Variants in CNTNAP4 observed in about 807,000 individuals in gnomAD.
The protein encoded by CNTNAP4 is contactin-associated protein-like 4.
CNTNAP4 carries 98 observed loss-of-function variants against 148.4 expected under a neutral mutation model. The ratio of observed to expected loss-of-function variants is 0.66; its 90% CI spans 0.56 to 0.78. CNTNAP4 has a LOEUF of 0.78. Among genes scored for constraint, CNTNAP4 ranks in the 30% least tolerant of loss-of-function variants. CNTNAP4 has a pLI of 0.00. For missense variants in CNTNAP4, 1,935 were observed against 1,565.6 expected (o/e 1.24, Z -3.98); for synonymous variants, 730 against 565.1 (o/e 1.29, Z -4.14).
chr16:76,296,595 C>A (rs2143884216), intron 1 of CNTNAP4, among the ~76,000 whole-genome samples: 1 of 151,896 alleles, frequency 6.6e-6, no homozygotes, highest in Middle Eastern at 3.4e-3. Context: ...AGAACACAGG[C>A]ATATAAAGAT....
chr16:76,285,680 A>T (rs74917652), intron 1 of CNTNAP4, among the ~76,000 whole-genome samples: 1,985 of 152,158 alleles, frequency 0.013, 62 homozygotes, highest in East Asian at 0.11. Context: ...GCCTTCCTAA[A>T]TTACGTTTAT....
intron 3 of CNTNAP4, among the ~76,000 whole-genome samples, chr16:76,420,700 G>T (rs7184119): frequency 6.6e-6 from 1 of 151,818 alleles, no homozygotes; most frequent in African/African-American, 2.4e-5. Flanking sequence ...CAACAACAAC[G>T]AAACTACCCA....
chr16:76,329,086 G>A (rs940339087), intron 2 of CNTNAP4, among the ~76,000 whole-genome samples: 18 of 152,146 alleles, frequency 1.2e-4, no homozygotes, highest in Non-Finnish European at 1.6e-4. Context: ...TTGTTAGTAC[G>A]AAATGCAAAA....
chr16:76,449,817 A>G lies in CNTNAP4; in HGVS notation c.1030A>G (p.Ile344Val). The change falls in exon 7 of 24, where the codon ATT becomes GTT. Residue 344 changes from isoleucine to valine, a missense_variant. Coordinates refer to ENST00000611870, the MANE Select transcript of CNTNAP4 (RefSeq NM_033401.5). ...ENLYYNGVDI[I>V]DLAKQQKPQI... ...TCTCTATTATAATGGAGTGGATATC[A>G]TTGATTTGGCCAAGCAGCAAAAACC... 1 of 1,608,084 alleles carries G rather than the reference A, an allele frequency of 6.2e-7. No individual in the cohort carries two copies. Among genetic ancestry groups the G allele is most frequent in the Non-Finnish European group, 8.5e-7 (1 of 1,177,218 alleles).
In CNTNAP4 at chr16:76,282,062, G is replaced by T. The variant is rs542685528; in HGVS notation, c.85+4315G>T. On this transcript the variant is annotated intron_variant, in intron 1 of 23. Transcript: ENST00000611870. ...CTATTTAAATAATATACAATAAAATGATAAGACATGAAAAGTGTATAAATT... is the reference window on the plus strand; with the variant it reads ...CTATTTAAATAATATACAATAAAATTATAAGACATGAAAAGTGTATAAATT... Among the ~76,000 whole-genome samples the T allele has an allele frequency of 1.2e-3, 176 of 151,842 alleles. No individual in the cohort carries two copies. In the Middle Eastern group the frequency reaches 0.021, roughly 18 times the overall value.
intron 3 of CNTNAP4, among the ~76,000 whole-genome samples, chr16:76,380,001 G>A (rs2015803799): frequency 6.6e-6 from 1 of 152,096 alleles, no homozygotes; most frequent in African/African-American, 2.4e-5. Context: ...AATGACATTT[G>A]CATAAATCTT....
chr16:76,290,223 G>A (rs1167643822), intron 1 of CNTNAP4, among the ~76,000 whole-genome samples: 1 of 152,118 alleles, frequency 6.6e-6, no homozygotes, highest in Non-Finnish European at 1.5e-5. Flanking sequence ...GAACAAAAAT[G>A]AGGCTTAGAC....
intron 3 of CNTNAP4, among the ~76,000 whole-genome samples, chr16:76,358,355 A>T (rs2012974912): frequency 6.6e-6 from 1 of 152,186 alleles, no homozygotes; most frequent in Admixed American, 6.5e-5. Context: ...ACAAACAGCA[A>T]CAACAAAATC....
chr16:76,487,193 C>T (rs920271219), intron 12 of CNTNAP4, among the ~76,000 whole-genome samples: 2 of 152,120 alleles, frequency 1.3e-5, no homozygotes, highest in African/African-American at 4.8e-5. Context: ...TCAGAGCCAC[C>T]GCAGCATCTG....
rs1178934756 is a variant in CNTNAP4, at chr16:76,539,709, C to T, written c.3221-10C>T. 1 of 1,571,410 alleles carries T rather than the reference C, an allele frequency of 6.4e-7. No individual in the cohort carries two copies. The highest frequency in any genetic ancestry group is 1.4e-5 in the African/African-American group (1 of 72,082). On this transcript the variant is annotated splice_polypyrimidine_tract_variant and intron_variant, in intron 19 of 23. Transcript: ENST00000611870. Reference sequence around the variant, plus strand: ...TTTACTAAAAGAATCACAATTTTTCCCCACTCTAGGAAGTTTGCAGATCAG... The same window carrying T: ...TTTACTAAAAGAATCACAATTTTTCTCCACTCTAGGAAGTTTGCAGATCAG...
intron 1 of CNTNAP4, among the ~76,000 whole-genome samples, chr16:76,295,250 G>A (rs903563087): frequency 6.6e-6 from 1 of 152,148 alleles, no homozygotes; most frequent in Non-Finnish European, 1.5e-5. Flanking sequence ...CCATCATAGC[G>A]AGGTCCACAA....
intron 15 of CNTNAP4, among the ~76,000 whole-genome samples, chr16:76,510,449 T>C (rs2082968565): frequency 6.7e-6 from 1 of 148,864 alleles, no homozygotes; most frequent in Admixed American, 6.8e-5. Context: ...TGATAAGGCT[T>C]CTGTGGACAT....
intron 1 of CNTNAP4, among the ~76,000 whole-genome samples, chr16:76,290,260 T>A (rs1048236523): frequency 3.3e-5 from 5 of 152,172 alleles, no homozygotes; most frequent in African/African-American, 7.2e-5. Flanking sequence ...CCATTGTTCT[T>A]TGAAATGGAA....
chr16:76,369,549 C>A (rs1261174634), intron 3 of CNTNAP4, among the ~76,000 whole-genome samples: 1 of 152,124 alleles, frequency 6.6e-6, no homozygotes, highest in African/African-American at 2.4e-5. Context: ...TGCTTCAGCT[C>A]AAGAAGAGAG....
chr16:76,395,820 C>T (rs1025552519), intron 3 of CNTNAP4, among the ~76,000 whole-genome samples: 3 of 151,016 alleles, frequency 2.0e-5, no homozygotes, highest in African/African-American at 7.3e-5. Context: ...CTTCCACTTC[C>T]CGAGTTCAAG....
At chr16:76,309,384 G>A (rs1306036554) in intron 1 of CNTNAP4, among the ~76,000 whole-genome samples, 2 of 152,140 alleles carry the variant, frequency 1.3e-5, no homozygotes, top group Non-Finnish European at 2.9e-5. Flanking sequence ...AAGGCAGGCA[G>A]AGGAGAGGAA....
At chr16:76,337,660 C>G (rs1425401079) in intron 2 of CNTNAP4, among the ~76,000 whole-genome samples, 2 of 152,106 alleles carry the variant, frequency 1.3e-5, no homozygotes, top group African/African-American at 4.8e-5. Flanking sequence ...TAGAATTCAC[C>G]AGGCTGGAAT....
chr16:76,294,397 A>G (rs114757784), intron 1 of CNTNAP4, among the ~76,000 whole-genome samples: 295 of 152,278 alleles, frequency 1.9e-3, no homozygotes, highest in African/African-American at 6.9e-3. Flanking sequence ...ATGGGTTTTT[A>G]TATTTTTCAC....
At chr16:76,497,663 G>A (rs539867897) in intron 14 of CNTNAP4, among the ~76,000 whole-genome samples, 11 of 151,296 alleles carry the variant, frequency 7.3e-5, no homozygotes, top group Non-Finnish European at 1.3e-4. Context: ...TAAGGACATG[G>A]GGGGGAACAT....
Sources: gnomAD v4.1 joint callset for allele counts (sites outside exome capture counted in the v4.1 genomes callset) on GRCh38, gnomAD v4.1.1 for gene constraint, MANE v1.5 for transcripts, NCBI Gene and HGNC (gene_info 2026-07-23, HGNC 2026-07-21) for gene names.